The following RANBP2 variants were observed in gnomAD, a reference collection of about 807,000 sequenced individuals.
The protein encoded by RANBP2 is RAN binding protein 2, also known as E3 SUMO-protein ligase RanBP2.
In RANBP2, 57 loss-of-function variants were observed where a neutral mutation model predicts 303.6. The observed-to-expected ratio is 0.19, with a 90% CI of 0.15 to 0.23. RANBP2 has a LOEUF of 0.23. RANBP2 is among the 10% of genes least tolerant of loss of function. RANBP2 has a pLI of 1.00. For synonymous variants in RANBP2, 1,167 were observed against 1,301.5 expected, an observed-to-expected ratio of 0.90 and a Z score of 2.23; for missense variants, 3,138 against 3,780.8, an observed-to-expected ratio of 0.83 and a Z score of 4.46.
At chr2:108,759,914 T>C (rs1426544541) in intron 18 of RANBP2, among the ~76,000 whole-genome samples, 3 of 152,216 alleles carry the variant, frequency 2.0e-5, no homozygotes, top group Non-Finnish European at 4.4e-5. Flanking sequence ...TGTCTCATTT[T>C]ATTCTTGCAA....
chr2:109,613,990 G>A, the RANBP2 span: 1 of 1,196,610 alleles, frequency 8.4e-7, no homozygotes, highest in East Asian at 3.5e-5. Flanking sequence ...CGAGCTGGAG[G>A]CCTCCGGGGG....
the RANBP2 span, among the ~76,000 whole-genome samples, chr2:109,136,005 T>C: frequency 1.3e-5 from 2 of 152,156 alleles, no homozygotes; most frequent in Non-Finnish European, 2.9e-5. Flanking sequence ...TAGGACACAA[T>C]AGCTTGTCTA....
the RANBP2 span, among the ~76,000 whole-genome samples, chr2:109,204,478 G>GC: frequency 5.9e-5 from 9 of 152,078 alleles, no homozygotes; most frequent in Non-Finnish European, 1.3e-4. Flanking sequence ...CTTTTGTTAT[G>GC]CCCCTCCAAT....
the RANBP2 span, among the ~76,000 whole-genome samples, chr2:109,421,725 G>A: frequency 2.6e-5 from 4 of 152,134 alleles, no homozygotes; most frequent in Admixed American, 6.5e-5. Flanking sequence ...CTTATGTGTC[G>A]GACAACATCC....
intron 25 of RANBP2, among the ~76,000 whole-genome samples, chr2:108,780,198 C>CTT (rs572170306): frequency 2.9e-5 from 4 of 137,110 alleles, no homozygotes; most frequent in East Asian, 2.1e-4. Flanking sequence ...CCTTTTTTTC[C>CTT]TTTTTTTTTT....
chr2:109,126,388 G>A, the RANBP2 span, among the ~76,000 whole-genome samples: 7 of 152,288 alleles, frequency 4.6e-5, no homozygotes, highest in East Asian at 1.9e-4. Flanking sequence ...CTTCTGGCAC[G>A]GGCATCTGTG....
the RANBP2 span, chr2:108,906,358 C>T: frequency 3.7e-6 from 6 of 1,614,136 alleles, no homozygotes; most frequent in East Asian, 4.5e-5. Context: ...CTTTTTCCTC[C>T]GGCTTTGAAT....
the RANBP2 span, chr2:109,504,110 G>A: frequency 6.6e-6 from 1 of 152,240 alleles, no homozygotes; most frequent in Non-Finnish European, 1.5e-5. Context: ...CCTTCATGAT[G>A]ATGTAGCTCG....
the RANBP2 span, among the ~76,000 whole-genome samples, chr2:109,302,022 A>T: frequency 1.3e-5 from 2 of 152,190 alleles, no homozygotes; most frequent in South Asian, 4.1e-4. Flanking sequence ...CTTCTCAGGA[A>T]GCCATAGAGG....
At chr2:109,161,806 T>C in the RANBP2 span, among the ~76,000 whole-genome samples, 1 of 151,926 alleles carries the variant, frequency 6.6e-6, no homozygotes, top group East Asian at 1.9e-4. Context: ...GGCATTAATC[T>C]ATTCATAGGG....
chr2:109,573,674 C>T, the RANBP2 span, among the ~76,000 whole-genome samples: 1 of 152,214 alleles, frequency 6.6e-6, no homozygotes, highest in Non-Finnish European at 1.5e-5. Flanking sequence ...TAACCAGGAT[C>T]ATGAAAGCTT....
At chr2:109,351,628 A>T in the RANBP2 span, among the ~76,000 whole-genome samples, 2 of 152,222 alleles carry the variant, frequency 1.3e-5, no homozygotes, top group African/African-American at 4.8e-5. Context: ...TCCAGCTGGG[A>T]TGCTCAGGAA....
the RANBP2 span, among the ~76,000 whole-genome samples, chr2:108,837,526 A>C: frequency 7.2e-5 from 11 of 152,338 alleles, no homozygotes; most frequent in South Asian, 2.1e-3. Context: ...AAAAGAAAAC[A>C]GATTATAATG....
chr2:109,464,372 G>A, the RANBP2 span, among the ~76,000 whole-genome samples: 6 of 152,172 alleles, frequency 3.9e-5, no homozygotes, highest in African/African-American at 1.4e-4. Flanking sequence ...GCATATTTAT[G>A]TATATACATC....
At chr2:109,317,179 A>ATCCTCT in the RANBP2 span, among the ~76,000 whole-genome samples, 1 of 151,484 alleles carries the variant, frequency 6.6e-6, no homozygotes, top group Admixed American at 6.6e-5. Context: ...TGTGGATGTA[A>ATCCTCT]GTTTTCATGG....
the RANBP2 span, among the ~76,000 whole-genome samples, chr2:109,249,724 TGCAAGCTCC>T: frequency 2.2e-4 from 33 of 151,760 alleles, 1 homozygote; most frequent in African/African-American, 4.4e-4. Flanking sequence ...CTCAGCTCAC[TGCAAGCTCC>T]GCAAGCTCCG....
At chr2:109,697,129 T>C in the RANBP2 span, among the ~76,000 whole-genome samples, 2 of 152,220 alleles carry the variant, frequency 1.3e-5, no homozygotes, top group Admixed American at 6.5e-5. Context: ...GTTTTCAATG[T>C]ACAGGTTTGC....
At chr2:109,388,402 C>T in the RANBP2 span, among the ~76,000 whole-genome samples, 1 of 152,192 alleles carries the variant, frequency 6.6e-6, no homozygotes, top group Non-Finnish European at 1.5e-5. Flanking sequence ...TGGCAGAGCT[C>T]ACAACCAGCA....
chr2:109,366,848 G>A, the RANBP2 span, among the ~76,000 whole-genome samples: 8 of 152,290 alleles, frequency 5.3e-5, no homozygotes, highest in South Asian at 4.2e-4. Flanking sequence ...GCAAGACCTC[G>A]TCTCAAAAAC....
Sources: allele counts gnomAD v4.1 joint callset (sites outside exome capture counted in the v4.1 genomes callset), GRCh38; gene constraint gnomAD v4.1.1; transcripts MANE v1.5; gene names NCBI Gene and HGNC (gene_info 2026-07-23, HGNC 2026-07-21).